The following PRAG1 variants were observed in gnomAD, a reference collection of about 807,000 sequenced individuals.
PRAG1 encodes PEAK1 related, kinase-activating pseudokinase 1.
PRAG1 carries 110 observed loss-of-function variants against 95.6 expected under a neutral mutation model. The observed-to-expected ratio is 1.15, with a 90% CI of 0.99 to 1.35. The LOEUF (loss-of-function observed/expected upper bound fraction) is 1.35, where lower values mean the gene tolerates loss of function less well. Ranked by LOEUF, PRAG1 falls within the 40% of genes most tolerant of loss-of-function variation. The pLI, the probability that PRAG1 is intolerant of heterozygous loss-of-function variation, is 0.00. For synonymous variants in PRAG1, 1,052 were observed against 819.4 expected (o/e 1.28, Z -4.85); for missense variants, 2,554 against 1,864.7 (o/e 1.37, Z -6.81).
chr8:8,339,644 G>A lies in PRAG1; in HGVS notation c.2163-9C>T. Reference sequence around the variant, plus strand: ...TCATTTTTAGAAGGTGCCTGGAAAAGGTAGGAACAAACAATACAAATAACT... The same window carrying A: ...TCATTTTTAGAAGGTGCCTGGAAAAAGTAGGAACAAACAATACAAATAACT... On this transcript the variant is annotated splice_polypyrimidine_tract_variant and intron_variant, in intron 3 of 5. Coordinates refer to ENST00000615670, the MANE Select transcript of PRAG1 (RefSeq NM_001080826.3). 1 of 1,607,548 alleles carries A rather than the reference G, an allele frequency of 6.2e-7. No homozygotes were observed.
At chr8:8,329,462 C>G (rs1445343579) in intron 4 of PRAG1, among the ~76,000 whole-genome samples, 1 of 152,086 alleles carries the variant, frequency 6.6e-6, no homozygotes, top group Non-Finnish European at 1.5e-5. Context: ...TCATTGAGTT[C>G]TCCATGCCAC....
At chr8:8,381,005 G>C (rs1330760971) in intron 2 of PRAG1, among the ~76,000 whole-genome samples, 1 of 152,220 alleles carries the variant, frequency 6.6e-6, no homozygotes, top group Non-Finnish European at 1.5e-5. Flanking sequence ...GTGTGAGGGA[G>C]GTGAAATAAG....
chr8:8,328,765 T>G (rs1401581181), intron 4 of PRAG1, among the ~76,000 whole-genome samples: 1 of 151,024 alleles, frequency 6.6e-6, no homozygotes, highest in African/African-American at 2.5e-5. Flanking sequence ...AATGCGTGCC[T>G]GCACGCGTGC....
intron 3 of PRAG1, among the ~76,000 whole-genome samples, chr8:8,370,975 C>T (rs1800177517): frequency 6.6e-6 from 1 of 151,932 alleles, no homozygotes; most frequent in African/African-American, 2.4e-5. Context: ...CCCATCTCTA[C>T]TAAAATATAA....
In PRAG1 at chr8:8,371,818, T is replaced by G. The variant is rs564396651; in HGVS notation, c.2162+4429A>C. On this transcript the variant is annotated intron_variant, in intron 3 of 5. Coordinates refer to ENST00000615670, the MANE Select transcript of PRAG1 (RefSeq NM_001080826.3). Reference sequence around the variant, plus strand: ...CTGACAAGTGGAGGCTGCAGTGAGATGGCACCACTGCACTCCAGCCTGGGC... The same window carrying G: ...CTGACAAGTGGAGGCTGCAGTGAGAGGGCACCACTGCACTCCAGCCTGGGC... Among the ~76,000 whole-genome samples, 25 of 152,244 alleles carry G rather than the reference T, an allele frequency of 1.6e-4. 1 individual carries two copies. The highest frequency in any genetic ancestry group is 1.6e-3 in the Admixed American group (25 of 15,304).
chr8:8,377,819 T>A lies in PRAG1; in HGVS notation c.590A>T (p.Tyr197Phe). ...CTCCTGGGTGGAGGGCCGGTCTTGG[T>A]AAGGAAATGAGGGTTTTTCTTTGTG... ...AVHKEKPSFP[Y>F]QDRPSTQESF... The change falls in exon 3 of 6, where the codon TAC (tyrosine) becomes TTC (phenylalanine). Residue 197 changes from tyrosine to phenylalanine, a missense_variant. By Grantham distance (22) the Tyr-to-Phe change is conservative (BLOSUM62 3). Coordinates refer to ENST00000615670, the MANE Select transcript of PRAG1 (RefSeq NM_001080826.3). The A allele has an allele frequency of 6.2e-7, 1 of 1,614,060 alleles. No individual in the cohort carries two copies. Among genetic ancestry groups the A allele is most frequent in the Non-Finnish European group, 8.5e-7 (1 of 1,180,010 alleles).
At chr8:8,373,749 G>A (rs895402722) in intron 3 of PRAG1, among the ~76,000 whole-genome samples, 5 of 152,158 alleles carry the variant, frequency 3.3e-5, no homozygotes, top group East Asian at 1.9e-4. Flanking sequence ...CACTAAGTCC[G>A]GCCCTTCTTT....
At chr8:8,370,726 G>C (rs1800164341) in intron 3 of PRAG1, among the ~76,000 whole-genome samples, 1 of 152,188 alleles carries the variant, frequency 6.6e-6, no homozygotes, top group Admixed American at 6.5e-5. Context: ...TGTTACAGGA[G>C]AGCCCACACA....
chr8:8,364,017 G>T (rs554384301), intron 3 of PRAG1, among the ~76,000 whole-genome samples: 1 of 152,210 alleles, frequency 6.6e-6, no homozygotes, highest in African/African-American at 2.4e-5. Flanking sequence ...ACCTGGACTT[G>T]CTCTAACTCC....
chr8:8,381,402 T>C lies in PRAG1; in HGVS notation c.330+16A>G, dbSNP rs776677990. ...GCAGCCCCTGTAAAAATACCACGAG[T>C]GTTAGTCAGCCTCACCTGCGAGACT... On this transcript the variant is annotated intron_variant, in intron 2 of 5. Transcript: ENST00000615670. 1 of 1,591,784 alleles carries C rather than the reference T, an allele frequency of 6.3e-7. No homozygotes were observed. Among genetic ancestry groups the C allele is most frequent in the Non-Finnish European group, 8.6e-7 (1 of 1,164,202 alleles).
intron 3 of PRAG1, among the ~76,000 whole-genome samples, chr8:8,341,085 C>G (rs917399722): frequency 2.2e-4 from 34 of 152,178 alleles, no homozygotes; most frequent in African/African-American, 8.2e-4. Context: ...CATAACAACT[C>G]CTCAGTCTAG....
rs975609436 is a variant in PRAG1 at position 8,339,366 on chromosome 8, C to T, written c.2320+112G>A. 5.2e-6 allele frequency: 6 copies of T among 1,149,070 alleles called. 1 individual carries two copies. Among genetic ancestry groups the T allele is most frequent in the Non-Finnish European group, 4.9e-6 (4 of 818,098 alleles). 71.2% of individuals were successfully genotyped at this position (1,149,070 alleles called of 1,614,324 possible). ...GGAAGAGTCTACTTCATTGAGAAAG[C>T]AGGACCAAGACAGTAGTCCTTGCTC... On this transcript the variant is annotated intron_variant, in intron 4 of 5. Transcript: ENST00000615670.
intron 3 of PRAG1, among the ~76,000 whole-genome samples, chr8:8,373,053 T>A (rs1235739843): frequency 6.6e-6 from 1 of 152,182 alleles, no homozygotes; most frequent in Non-Finnish European, 1.5e-5. Flanking sequence ...AGAAATCAGG[T>A]TGACCTTGTA....
At chr8:8,376,203 C>A in intron 3 of PRAG1, 44 bp downstream of exon 3, 1 of 1,583,090 alleles carries the variant, frequency 6.3e-7, no homozygotes, top group Non-Finnish European at 8.6e-7. Flanking sequence ...CTGGAAGAGC[C>A]CTTTGCCCTG....
chr8:8,340,883 T>C (rs1799140030), intron 3 of PRAG1, among the ~76,000 whole-genome samples: 1 of 152,244 alleles, frequency 6.6e-6, no homozygotes, highest in Admixed American at 6.5e-5. Context: ...TGACTAATCT[T>C]CATCTTTGTA....
At chr8:8,342,549 G>A (rs754615055) in intron 3 of PRAG1, among the ~76,000 whole-genome samples, 5 of 152,098 alleles carry the variant, frequency 3.3e-5, no homozygotes, top group Admixed American at 1.3e-4. Flanking sequence ...GAAAGATTGC[G>A]AAAACTACCC....
At chr8:8,382,813 T>C (rs1003912948) in intron 1 of PRAG1, among the ~76,000 whole-genome samples, 4 of 151,990 alleles carry the variant, frequency 2.6e-5, no homozygotes, top group Non-Finnish European at 5.9e-5. Flanking sequence ...ATTTTACAGG[T>C]GGGGAAACTA....
At position 8,378,037 on chromosome 8, in the gene PRAG1, C is replaced by T. The variant is rs780338129; in HGVS notation, c.372G>A (p.Lys124=). Residue 124 remains lysine, a synonymous_variant, in exon 3 of 6, where the codon AAG becomes AAA. Transcript: ENST00000615670. ...RRAPGKLPLP[K]QEDAPVVYLG... ...GGTAGACGACGGGGGCATCCTCCTG[C>T]TTCGGGAGGGGGAGCTTGCCAGGGG... is the stretch of plus-strand genomic sequence containing the variant. 2.6e-6 allele frequency: 4 copies of T among 1,561,660 alleles called. No individual in the cohort carries two copies. The highest frequency in any genetic ancestry group is 3.7e-5 in the Admixed American group (2 of 53,822).
At position 8,320,766 on chromosome 8, in the gene PRAG1, G is replaced by A. The variant is rs149034748; in HGVS notation, c.3073-1464C>T. Among the ~76,000 whole-genome samples, 261 of 152,318 alleles carry A rather than the reference G, an allele frequency of 1.7e-3. 1 individual carries two copies. The highest frequency in any genetic ancestry group is 5.7e-3 in the African/African-American group (238 of 41,574). ...ATGATGATGAAGCAGTGTTTTTGAA[G>A]TACCTCAATGCTTACAGGCGATACT... is the stretch of plus-strand genomic sequence containing the variant. On this transcript the variant is annotated intron_variant, in intron 5 of 5. Coordinates refer to ENST00000615670, the MANE Select transcript of PRAG1 (RefSeq NM_001080826.3).
Sources: gnomAD v4.1 joint callset for allele counts (sites outside exome capture counted in the v4.1 genomes callset) on GRCh38, gnomAD v4.1.1 for gene constraint, MANE v1.5 for transcripts, NCBI Gene and HGNC (gene_info 2026-07-23, HGNC 2026-07-21) for gene names.